Variants in GALNT10 observed in about 807,000 individuals in gnomAD.
GALNT10 encodes the protein polypeptide N-acetylgalactosaminyltransferase 10.
GALNT10 carries 41 observed loss-of-function variants against 75.0 expected under a neutral mutation model. The observed-to-expected ratio is 0.55, with a 90% confidence interval of 0.43 to 0.71. The LOEUF (loss-of-function observed/expected upper bound fraction) is 0.71, where lower values mean the gene tolerates loss of function less well. Among genes scored for constraint, GALNT10 ranks in the 30% least tolerant of loss-of-function variants. The pLI, the probability that GALNT10 is intolerant of heterozygous loss-of-function variation, is 0.00. For missense variants in GALNT10, 727 were observed against 818.5 expected (o/e 0.89, Z 1.36); for synonymous variants, 302 against 313.0 (o/e 0.96, Z 0.37).
In GALNT10 at chr5:154,219,830, T is replaced by TCACACACACACACA. The variant is rs1160794970; in HGVS notation, c.159+28806_159+28807insACACACACACACAC. Among the ~76,000 whole-genome samples, 36 of 75,680 alleles carry TCACACACACACACA rather than the reference T, an allele frequency of 4.8e-4. No homozygotes were observed. The East Asian group carries it at 0.03, about 63-fold the overall frequency. 49.6% of individuals were successfully genotyped at this position (75,680 alleles called of 152,430 possible). A position where few individuals can be genotyped will look rare whatever the true frequency, so the allele number is the denominator to read the frequency against. On this transcript the variant is annotated intron_variant, in intron 1 of 11. Coordinates refer to ENST00000297107, the MANE Select transcript of GALNT10 (RefSeq NM_198321.4). Reference sequence around the variant, plus strand: ...CTCTCGCGCTCTCTCTCTCTCTCTCTCTCTCTCTCACACACACACACACAC... The same window carrying TCACACACACACACA: ...CTCTCGCGCTCTCTCTCTCTCTCTCTCACACACACACACACTCTCTCTCACACACACACACACAC...
chr5:154,399,358 C>A (rs1309156307), intron 7 of GALNT10, among the ~76,000 whole-genome samples: 1 of 152,220 alleles, frequency 6.6e-6, no homozygotes, highest in African/African-American at 2.4e-5. Flanking sequence ...GGGATCCTGT[C>A]TCTCCGTGGC....
intron 1 of GALNT10, among the ~76,000 whole-genome samples, chr5:154,257,905 G>C (rs534088325): frequency 2.0e-5 from 3 of 152,194 alleles, no homozygotes; most frequent in Admixed American, 6.5e-5. Context: ...ACACTTCTTT[G>C]CACTACCAGA....
chr5:154,228,672 G>C (rs1753098452), intron 1 of GALNT10, among the ~76,000 whole-genome samples: 1 of 152,216 alleles, frequency 6.6e-6, no homozygotes, highest in African/African-American at 2.4e-5. Flanking sequence ...CTCACTCACA[G>C]TAAGGATGGC....
chr5:154,214,408 G>A (rs1752832579), intron 1 of GALNT10, among the ~76,000 whole-genome samples: 1 of 151,936 alleles, frequency 6.6e-6, no homozygotes, highest in African/African-American at 2.4e-5. Context: ...ATGTTTCATT[G>A]TGATCTCAGA....
chr5:154,379,420 C>T (rs1755701860), intron 5 of GALNT10, among the ~76,000 whole-genome samples: 1 of 152,214 alleles, frequency 6.6e-6, no homozygotes, highest in South Asian at 2.1e-4. Context: ...TGTGCTATCA[C>T]TTGATGAAGG....
chr5:154,344,014 T>C (rs921788760), intron 4 of GALNT10, among the ~76,000 whole-genome samples: 3 of 152,202 alleles, frequency 2.0e-5, no homozygotes, highest in Non-Finnish European at 4.4e-5. Context: ...GTGTTTGTCC[T>C]GCTGTGTCAT....
chr5:154,363,756 A>G (rs1755432870), intron 4 of GALNT10, among the ~76,000 whole-genome samples: 1 of 152,134 alleles, frequency 6.6e-6, no homozygotes, highest in South Asian at 2.1e-4. Context: ...TGCCCAGATG[A>G]TAGCATTTGC....
At chr5:154,238,993 G>A (rs928960337) in intron 1 of GALNT10, among the ~76,000 whole-genome samples, 2 of 152,248 alleles carry the variant, frequency 1.3e-5, no homozygotes, top group Non-Finnish European at 2.9e-5. Flanking sequence ...GGCGATCTCA[G>A]GGCTGGTCAG....
intron 4 of GALNT10, among the ~76,000 whole-genome samples, chr5:154,340,051 A>G (rs1448963197): frequency 6.6e-6 from 1 of 152,214 alleles, no homozygotes; most frequent in Non-Finnish European, 1.5e-5. Flanking sequence ...GGTGCAAAAG[A>G]AATTGTGGTA....
chr5:154,398,562 G>A (rs1756092958), intron 7 of GALNT10, among the ~76,000 whole-genome samples: 1 of 152,192 alleles, frequency 6.6e-6, no homozygotes, highest in Non-Finnish European at 1.5e-5. Flanking sequence ...GGAGATAGCA[G>A]GAAGTAGTGG....
At chr5:154,205,382 CT>C (rs1775090967) in intron 1 of GALNT10, among the ~76,000 whole-genome samples, 1 of 152,138 alleles carries the variant, frequency 6.6e-6, no homozygotes, top group Non-Finnish European at 1.5e-5. Flanking sequence ...TATTTTCCCC[CT>C]GGTTCTTAGG....
Position 154,293,617 on chromosome 5 carries a change from T to A in GALNT10, c.160-1199T>A, listed in dbSNP as rs1049839238. On this transcript the variant is annotated intron_variant, in intron 1 of 11. Coordinates refer to ENST00000297107, the MANE Select transcript of GALNT10 (RefSeq NM_198321.4). ...CTGATATATATATATATATATATTT[T>A]TTTTTTCCTTTCAGCCATTCAATTG... 2.2e-3 allele frequency among the ~76,000 whole-genome samples: 308 copies of A among 141,312 alleles called. 5 individuals are homozygous for A. Among genetic ancestry groups the A allele is most frequent in the East Asian group, 7.9e-3 (40 of 5,076 alleles). The allele number at this position is 141,312 out of a possible 152,430, so 92.7% of individuals were successfully genotyped here. A position where few individuals can be genotyped will look rare whatever the true frequency, so the allele number is the denominator to read the frequency against.
chr5:154,377,248 G>A (rs911457343), intron 5 of GALNT10, among the ~76,000 whole-genome samples: 2 of 152,168 alleles, frequency 1.3e-5, no homozygotes, highest in Non-Finnish European at 2.9e-5. Context: ...CAGTGTGCTG[G>A]TGCTGAGAGG....
At chr5:154,334,136 CTGAAA>C (rs1349456238) in intron 4 of GALNT10, among the ~76,000 whole-genome samples, 1 of 152,232 alleles carries the variant, frequency 6.6e-6, no homozygotes, top group African/African-American at 2.4e-5. Flanking sequence ...GCATTTTCCT[CTGAAA>C]TGAATCTCCT....
chr5:154,230,922 G>A (rs1753140666), intron 1 of GALNT10, among the ~76,000 whole-genome samples: 1 of 152,236 alleles, frequency 6.6e-6, no homozygotes, highest in Non-Finnish European at 1.5e-5. Flanking sequence ...ATAAAAGAAA[G>A]TCAAGCTTAT....
chr5:154,249,348 G>A (rs1201559688), intron 1 of GALNT10, among the ~76,000 whole-genome samples: 1 of 152,078 alleles, frequency 6.6e-6, no homozygotes, highest in East Asian at 1.9e-4. Flanking sequence ...TTTTGAGCAA[G>A]TGAGCTCCAT....
chr5:154,309,551 G>A (rs1438336650), intron 3 of GALNT10, among the ~76,000 whole-genome samples: 1 of 152,306 alleles, frequency 6.6e-6, no homozygotes, highest in Middle Eastern at 3.4e-3. Context: ...GTCCACAGTA[G>A]GAGTAGTGGA....
At position 154,417,786 on chromosome 5, in the gene GALNT10, A is replaced by C. The variant is rs1756546745; in HGVS notation, c.*814A>C. 6.6e-6 allele frequency: 1 copy of C among 152,220 alleles called. No individual in the cohort carries two copies. Among genetic ancestry groups the C allele is most frequent in the Non-Finnish European group, 1.5e-5 (1 of 68,060 alleles). The allele number at this position is 152,220 out of a possible 1,614,324, so 9.4% of individuals were successfully genotyped here. On this transcript the variant is annotated 3_prime_UTR_variant, in exon 12 of 12. Coordinates refer to ENST00000297107, the MANE Select transcript of GALNT10 (RefSeq NM_198321.4). ...TCAGATGGCCCTGAGCCCACGGAAA[A>C]GGCCAGGTAGACCTCCAAACTAGAA...
chr5:154,284,414 C>T (rs546413164), intron 1 of GALNT10, among the ~76,000 whole-genome samples: 2 of 152,284 alleles, frequency 1.3e-5, no homozygotes, highest in South Asian at 4.2e-4. Flanking sequence ...TTTATTACTG[C>T]GTGGCTCAAC....
Sources: gnomAD v4.1 joint callset for allele counts (sites outside exome capture counted in the v4.1 genomes callset) on GRCh38, gnomAD v4.1.1 for gene constraint, MANE v1.5 for transcripts, NCBI Gene and HGNC (gene_info 2026-07-23, HGNC 2026-07-21) for gene names.